Variants in ANTXR1 observed in about 807,000 individuals in gnomAD.
ANTXR1 encodes anthrax toxin receptor 1.
ANTXR1 carries 19 observed loss-of-function variants against 78.1 expected under a neutral mutation model. The observed-to-expected ratio is 0.24, with a 90% CI of 0.17 to 0.36. ANTXR1 has a LOEUF of 0.36. Ranked by LOEUF, ANTXR1 falls within the 10% of genes least tolerant of loss-of-function variation. ANTXR1 has a pLI of 1.00. For missense variants in ANTXR1, 518 were observed against 718.6 expected (o/e 0.72, Z 3.19); for synonymous variants, 273 against 260.5 (o/e 1.05, Z -0.46).
At chr2:69,072,240 C>A (rs1197517416) in intron 5 of ANTXR1, among the ~76,000 whole-genome samples, 3 of 152,118 alleles carry the variant, frequency 2.0e-5, no homozygotes, top group Admixed American at 6.5e-5. Context: ...GAAAAAACTG[C>A]ATAAAATATA....
chr2:69,179,649 CTGAGAAACAA>C (rs1207031747), intron 14 of ANTXR1, among the ~76,000 whole-genome samples: 1 of 152,134 alleles, frequency 6.6e-6, no homozygotes, highest in African/African-American at 2.4e-5. Context: ...CTGGCCAATG[CTGAGAAACAA>C]TCAAAGGAGA....
chr2:69,031,173 C>A (rs890991202), intron 1 of ANTXR1, among the ~76,000 whole-genome samples: 2 of 152,062 alleles, frequency 1.3e-5, no homozygotes, highest in Non-Finnish European at 2.9e-5. Flanking sequence ...CATTTGCAAC[C>A]GAATATAAAA....
At position 69,024,104 on chromosome 2, in the gene ANTXR1, G is replaced by T. The variant is rs182148524; in HGVS notation, c.152+10453G>T. Among the ~76,000 whole-genome samples the T allele has an allele frequency of 1.1e-4, 16 of 152,248 alleles. No individual in the cohort carries two copies. The East Asian group carries it at 3.1e-3, about 29-fold the overall frequency. On this transcript the variant is annotated intron_variant, in intron 1 of 17. Coordinates refer to ENST00000303714, the MANE Select transcript of ANTXR1 (RefSeq NM_032208.3). The stretch of plus-strand genomic sequence containing the variant: ...AAAAAAATAATAAATGAGACTGGGG[G>T]CTCTTTTGTATTAAGGATCAGCAGG...
intron 13 of ANTXR1, among the ~76,000 whole-genome samples, chr2:69,160,954 C>G (rs564357649): frequency 6.6e-6 from 1 of 152,276 alleles, no homozygotes; most frequent in African/African-American, 2.4e-5. Context: ...AAGATGCAGC[C>G]TCTTTTGTGC....
intron 9 of ANTXR1, among the ~76,000 whole-genome samples, chr2:69,100,520 C>T (rs571942900): frequency 6.6e-6 from 1 of 152,314 alleles, no homozygotes; most frequent in Admixed American, 6.5e-5. Flanking sequence ...TGCAGGCAGC[C>T]TCTTTTATAG....
intron 3 of ANTXR1, among the ~76,000 whole-genome samples, chr2:69,058,339 G>A (rs1670128797): frequency 6.6e-6 from 1 of 152,150 alleles, no homozygotes; most frequent in African/African-American, 2.4e-5. Context: ...CTTATAAGGA[G>A]TGAAGGTAGC....
intron 13 of ANTXR1, 58 bp from the exon 14 acceptor site, chr2:69,170,190 T>C: frequency 6.2e-7 from 1 of 1,600,988 alleles, no homozygotes; most frequent in East Asian, 2.2e-5. Flanking sequence ...ACAGCAAGCC[T>C]CTTAGGAGGC....
At chr2:69,184,362 T>C (rs976883777) in intron 16 of ANTXR1, among the ~76,000 whole-genome samples, 63 of 152,200 alleles carry the variant, frequency 4.1e-4, no homozygotes, top group African/African-American at 1.5e-3. Context: ...TGGAAAGATG[T>C]GGGCAAAATG....
chr2:69,234,088 A>C (rs527532741), intron 17 of ANTXR1, among the ~76,000 whole-genome samples: 1 of 152,358 alleles, frequency 6.6e-6, no homozygotes, highest in African/African-American at 2.4e-5. Flanking sequence ...ACATTATTCT[A>C]AGTTATTGTT....
intron 1 of ANTXR1, among the ~76,000 whole-genome samples, chr2:69,030,363 G>T (rs7578812): frequency 0.28 from 41,966 of 152,072 alleles, 10,672 homozygotes; most frequent in African/African-American, 0.64. Context: ...AGCTAGCATA[G>T]ATCTAATAAC....
At position 69,013,268 on chromosome 2, in the gene ANTXR1, C is replaced by T; in HGVS notation, c.-232C>T. 1.6e-6 allele frequency: 1 copy of T among 640,462 alleles called. No homozygotes were observed. Among genetic ancestry groups the T allele is most frequent in the Non-Finnish European group, 2.7e-6 (1 of 371,680 alleles). The allele number at this position is 640,462 out of a possible 1,614,324, so 39.7% of individuals were successfully genotyped here. ...AGGCAGCCCTCCCCTTTAAAAGAAGCGGAGGACAGGATTGGGATCCTTGAA... is the reference window on the plus strand; with the variant it reads ...AGGCAGCCCTCCCCTTTAAAAGAAGTGGAGGACAGGATTGGGATCCTTGAA... On this transcript the variant is annotated 5_prime_UTR_variant, in exon 1 of 18. Transcript: ENST00000303714. The surrounding 1 kb of genome is among the most constrained non-coding windows in gnomAD (Gnocchi z 5.0).
chr2:69,122,744 C>A (rs951701411), intron 10 of ANTXR1, among the ~76,000 whole-genome samples: 1 of 152,126 alleles, frequency 6.6e-6, no homozygotes, highest in African/African-American at 2.4e-5. Flanking sequence ...TCCCTCCCCC[C>A]TCCTCCCACC....
chr2:69,091,045 G>T, intron 9 of ANTXR1, 126 bp downstream of exon 9: 1 of 921,144 alleles, frequency 1.1e-6, no homozygotes, highest in Non-Finnish European at 1.7e-6. Flanking sequence ...GAAAAGAGGA[G>T]CTGAAATTGC....
chr2:69,154,619 C>A (rs1231576515), intron 13 of ANTXR1, among the ~76,000 whole-genome samples: 1 of 152,184 alleles, frequency 6.6e-6, no homozygotes, highest in Non-Finnish European at 1.5e-5. Flanking sequence ...GGTCCTCAAA[C>A]CTTCCTCTGT....
chr2:69,145,443 G>T (rs1203510755), intron 12 of ANTXR1: 14 of 1,552,214 alleles, frequency 9.0e-6, no homozygotes, highest in Non-Finnish European at 1.2e-5. Flanking sequence ...AGCCAAACAT[G>T]CTCGGTTTAC....
chr2:69,240,472 T>A (rs72903167), intron 17 of ANTXR1, among the ~76,000 whole-genome samples: 6,750 of 152,246 alleles, frequency 0.044, 538 homozygotes, highest in African/African-American at 0.15. Context: ...ACGCACCAGA[T>A]CCCAAAGGGC....
At chr2:69,048,426 C>T (rs1220338247) in intron 3 of ANTXR1, among the ~76,000 whole-genome samples, 1 of 152,104 alleles carries the variant, frequency 6.6e-6, no homozygotes, top group South Asian at 2.1e-4. Flanking sequence ...TTTAGCACCC[C>T]TATTTATAAC....
intron 17 of ANTXR1, among the ~76,000 whole-genome samples, chr2:69,232,817 A>C (rs1010692481): frequency 7.2e-5 from 11 of 152,244 alleles, no homozygotes; most frequent in Non-Finnish European, 1.0e-4. Context: ...AGTAGAAGCA[A>C]GAAATAAGTC....
intron 17 of ANTXR1, among the ~76,000 whole-genome samples, chr2:69,241,280 C>T (rs1675888420): frequency 6.6e-6 from 1 of 152,180 alleles, no homozygotes; most frequent in Non-Finnish European, 1.5e-5. Context: ...TCTGGCCTTT[C>T]TATTATCCTC....
Sources: allele counts gnomAD v4.1 joint callset (sites outside exome capture counted in the v4.1 genomes callset), GRCh38; gene constraint gnomAD v4.1.1; non-coding constraint Gnocchi (gnomAD v3.1); transcripts MANE v1.5; gene names NCBI Gene and HGNC (gene_info 2026-07-23, HGNC 2026-07-21).